KCNH7: variants seen among roughly 807,000 people sequenced by gnomAD.
KCNH7 encodes the protein potassium voltage-gated channel subfamily H member 7.
In KCNH7, 49 loss-of-function variants were observed where a neutral mutation model predicts 120.8. The ratio of observed to expected loss-of-function variants is 0.41; its 90% CI spans 0.32 to 0.51. The LOEUF (loss-of-function observed/expected upper bound fraction) is 0.51, where lower values mean the gene tolerates loss of function less well. Among genes scored for constraint, KCNH7 ranks in the 20% least tolerant of loss-of-function variants. KCNH7 has a pLI of 0.38. For missense variants in KCNH7, 1,097 were observed against 1,446.6 expected (o/e 0.76, Z 3.92); for synonymous variants, 547 against 516.1 (o/e 1.06, Z -0.81).
At chr2:162,746,432 G>A (rs934633630) in intron 2 of KCNH7, among the ~76,000 whole-genome samples, 4 of 152,108 alleles carry the variant, frequency 2.6e-5, no homozygotes, top group African/African-American at 9.7e-5. Flanking sequence ...AGTGAATTCA[G>A]CTACAGTTCC....
intron 3 of KCNH7, among the ~76,000 whole-genome samples, chr2:162,530,821 A>T (rs978993149): frequency 6.6e-5 from 10 of 151,966 alleles, no homozygotes; most frequent in Non-Finnish European, 1.5e-4. Flanking sequence ...AAAGAAAAAA[A>T]ATCAGCAGGG....
intron 3 of KCNH7, among the ~76,000 whole-genome samples, chr2:162,533,198 G>A (rs1224974617): frequency 6.6e-6 from 1 of 151,416 alleles, no homozygotes; most frequent in Non-Finnish European, 1.5e-5. Flanking sequence ...CCCGAAACCA[G>A]AATAAAACAA....
At chr2:162,400,075 C>A (rs1038751788) in intron 10 of KCNH7, 114 bp downstream of exon 10, 1 of 1,122,724 alleles carries the variant, frequency 8.9e-7, no homozygotes, top group Non-Finnish European at 1.3e-6. Flanking sequence ...AATTACCCAC[C>A]ATCTTAAACT....
chr2:162,400,279 C>T lies in KCNH7; in HGVS notation c.2317G>A (p.Val773Ile), dbSNP rs767975805. ...TTHAPPGDTL[V>I]HCGDVLTALY... ...GCAGTGAGGACATCCCCACAGTGAA[C>T]GAGGGTGTCTCCTGGAGGTGCATGG... Residue 773 changes from valine to isoleucine, a missense_variant, in exon 10 of 16, where the codon GTT becomes ATT. Around this residue, in one of 8 missense-constraint regions of KCNH7, gnomAD observed 101 missense variants for 176.3 expected, o/e 0.57. Transcript: ENST00000332142. 1.6e-5 allele frequency: 25 copies of T among 1,612,408 alleles called. No homozygotes were observed. Among genetic ancestry groups the T allele is most frequent in the Middle Eastern group, 1.7e-4 (1 of 6,048 alleles).
Position 162,661,961 on chromosome 2 carries a change from T to C in KCNH7, c.308-124881A>G, listed in dbSNP as rs560514093. Reference sequence around the variant, plus strand: ...TCATATTATTGTTGTATGATGCTTTTTTCAACTTTAAAGAAAATTAAGCTG... The same window carrying C: ...TCATATTATTGTTGTATGATGCTTTCTTCAACTTTAAAGAAAATTAAGCTG... On this transcript the variant is annotated intron_variant, in intron 2 of 15. Coordinates refer to ENST00000332142, the MANE Select transcript of KCNH7 (RefSeq NM_033272.4). Among the ~76,000 whole-genome samples the C allele has an allele frequency of 3.5e-4, 53 of 152,198 alleles. 2 individuals carry two copies. The South Asian group carries it at 0.011, about 32-fold the overall frequency.
At chr2:162,499,244 G>A (rs1422044918) in intron 6 of KCNH7, among the ~76,000 whole-genome samples, 1 of 152,082 alleles carries the variant, frequency 6.6e-6, no homozygotes, top group Non-Finnish European at 1.5e-5. Context: ...TTATTTAAAA[G>A]GGGGCAAATA....
At chr2:162,575,583 TG>T (rs1357496571) in intron 2 of KCNH7, among the ~76,000 whole-genome samples, 2 of 152,074 alleles carry the variant, frequency 1.3e-5, no homozygotes, top group African/African-American at 4.8e-5. Flanking sequence ...CCATGTTTCC[TG>T]AATGTTATAT....
intron 2 of KCNH7, among the ~76,000 whole-genome samples, chr2:162,821,370 G>A (rs968569264): frequency 1.3e-5 from 2 of 152,160 alleles, no homozygotes; most frequent in African/African-American, 4.8e-5. Flanking sequence ...ATTTGAAAGA[G>A]GTCAGAAGGT....
chr2:162,561,940 G>A (rs570617451), intron 2 of KCNH7, among the ~76,000 whole-genome samples: 3 of 152,102 alleles, frequency 2.0e-5, no homozygotes, highest in African/African-American at 4.8e-5. Flanking sequence ...AACCATCCTT[G>A]TCAGCAAACT....
chr2:162,545,177 A>G (rs1692437734), intron 2 of KCNH7, among the ~76,000 whole-genome samples: 2 of 152,198 alleles, frequency 1.3e-5, no homozygotes, highest in South Asian at 4.1e-4. Context: ...GGCTTGCCGT[A>G]ATTAACCCAA....
intron 6 of KCNH7, 116 bp from the exon 7 acceptor site, chr2:162,446,559 T>A: frequency 1.3e-6 from 1 of 745,156 alleles, no homozygotes; most frequent in Non-Finnish European, 2.1e-6. Context: ...AGAATTCATG[T>A]AATTTGGAAG....
intron 6 of KCNH7, among the ~76,000 whole-genome samples, chr2:162,483,090 G>A (rs2105687845): frequency 6.6e-6 from 1 of 152,168 alleles, no homozygotes; most frequent in East Asian, 1.9e-4. Flanking sequence ...GTGGAATGCA[G>A]GATAAATTGC....
intron 2 of KCNH7, among the ~76,000 whole-genome samples, chr2:162,620,223 G>C (rs12466034): frequency 6.8e-6 from 1 of 147,686 alleles, no homozygotes; most frequent in East Asian, 1.9e-4. Flanking sequence ...AATATATATA[G>C]AGAGAGGAAA....
intron 2 of KCNH7, among the ~76,000 whole-genome samples, chr2:162,616,332 A>C (rs1683138255): frequency 6.6e-6 from 1 of 152,212 alleles, no homozygotes; most frequent in African/African-American, 2.4e-5. Context: ...TGGGGAGATG[A>C]GACTTGGGAA....
intron 8 of KCNH7, among the ~76,000 whole-genome samples, chr2:162,423,776 G>A (rs760659490): frequency 1.3e-5 from 2 of 152,208 alleles, no homozygotes; most frequent in African/African-American, 4.8e-5. Flanking sequence ...AACTCAGATT[G>A]TTTATTACAT....
chr2:162,371,641 C>T lies in KCNH7; in HGVS notation c.*188G>A, dbSNP rs557313177. 2.6e-5 allele frequency: 20 copies of T among 772,178 alleles called. No homozygotes were observed. The South Asian group carries it at 4.5e-4, about 18-fold the overall frequency. 47.8% of individuals were successfully genotyped at this position (772,178 alleles called of 1,614,324 possible). ...GTTTTAACATTTGGAACCAAAAGTT[C>T]TTATGTATATTTACATCCTAACTGC... On this transcript the variant is annotated 3_prime_UTR_variant, in exon 16 of 16. Transcript: ENST00000332142.
At chr2:162,551,156 A>T (rs1214746733) in intron 2 of KCNH7, among the ~76,000 whole-genome samples, 1 of 152,216 alleles carries the variant, frequency 6.6e-6, no homozygotes, top group Admixed American at 6.5e-5. Flanking sequence ...AAAGGTATTC[A>T]TCAGAAGGCG....
At chr2:162,657,587 T>TA (rs1241701946) in intron 2 of KCNH7, among the ~76,000 whole-genome samples, 1 of 152,306 alleles carries the variant, frequency 6.6e-6, no homozygotes, top group Non-Finnish European at 1.5e-5. Flanking sequence ...TTTACCTACA[T>TA]AAAAAATATT....
chr2:162,837,259 ACAT>A (rs1442489261), intron 1 of KCNH7, among the ~76,000 whole-genome samples: 8 of 152,344 alleles, frequency 5.3e-5, no homozygotes, highest in African/African-American at 1.9e-4. Flanking sequence ...CATGTTACAC[ACAT>A]CATGTTAAAA....
Sources: allele counts gnomAD v4.1 joint callset (sites outside exome capture counted in the v4.1 genomes callset), GRCh38; gene constraint gnomAD v4.1.1; regional missense constraint gnomAD v4.1.1; transcripts MANE v1.5; gene names NCBI Gene and HGNC (gene_info 2026-07-23, HGNC 2026-07-21).